Variants in WDR27 observed in about 807,000 individuals in gnomAD.
WDR27 encodes the protein WD repeat-containing protein 27.
A neutral mutation model predicts 114.4 loss-of-function variants in WDR27; 100 were observed. That is an observed-to-expected ratio of 0.87 (90% CI 0.74 to 1.03). The LOEUF is 1.03. Ranked by LOEUF, WDR27 falls within the 50% of genes least tolerant of loss-of-function variation. The probability of loss-of-function intolerance (pLI) is 0.00; values close to 1 mark genes in which losing one functional copy is unlikely to be tolerated. For synonymous variants in WDR27, 449 were observed against 423.1 expected, an observed-to-expected ratio of 1.06 and a Z score of -0.75; for missense variants, 1,129 against 1,092.9, an observed-to-expected ratio of 1.03 and a Z score of -0.47.
intron 21 of WDR27, among the ~76,000 whole-genome samples, chr6:169,626,532 G>A (rs1314256204): frequency 7.2e-5 from 11 of 152,136 alleles, no homozygotes; most frequent in Non-Finnish European, 2.9e-5. Flanking sequence ...CACCTCCTGG[G>A]GAACACCTTC....
chr6:169,664,297 AAAG>A lies in WDR27; in HGVS notation c.784-14_784-12del, dbSNP rs757040931. 65 of 1,613,810 alleles carry A rather than the reference AAAG, an allele frequency of 4.0e-5. No homozygotes were observed. Among genetic ancestry groups the A allele is most frequent in the Non-Finnish European group, 5.3e-5 (63 of 1,179,868 alleles). ...ACTGAAGATCCAAAGCTACAAAAGC[AAAG>A]AAGATGCAGACATGGCGCTGCAGCA... On this transcript the variant is annotated splice_polypyrimidine_tract_variant and intron_variant, in intron 7 of 25. Transcript: ENST00000448612.
intron 25 of WDR27, among the ~76,000 whole-genome samples, chr6:169,494,090 G>A (rs565385126): frequency 6.6e-6 from 1 of 152,274 alleles, no homozygotes; most frequent in South Asian, 2.1e-4. Flanking sequence ...GCATTATAAT[G>A]GTTAATATTC....
In WDR27 at chr6:169,457,670, C is replaced by A. The variant is rs778060400; in HGVS notation, c.2646-36G>T. 2.7e-6 allele frequency: 4 copies of A among 1,503,278 alleles called. No individual in the cohort carries two copies. In the East Asian group the frequency reaches 7.4e-5, roughly 28 times the overall value. 93.1% of individuals were successfully genotyped at this position (1,503,278 alleles called of 1,614,324 possible). ...AAATAAAATACCATGTAATTCCAATCGCCTTTTATTAATTGATAACTCTAT... is the reference window on the plus strand; with the variant it reads ...AAATAAAATACCATGTAATTCCAATAGCCTTTTATTAATTGATAACTCTAT... On this transcript the variant is annotated intron_variant, in intron 25 of 25. Transcript: ENST00000448612.
intron 18 of WDR27, among the ~76,000 whole-genome samples, chr6:169,637,685 G>A (rs1304910731): frequency 7.1e-6 from 1 of 141,268 alleles, no homozygotes; most frequent in African/African-American, 3.2e-5. Context: ...GTATGTAAGT[G>A]TGTGTATGCG....
At chr6:169,638,286 G>A (rs1309437286) in intron 18 of WDR27, among the ~76,000 whole-genome samples, 1 of 62,450 alleles carries the variant, frequency 1.6e-5, no homozygotes, top group Non-Finnish European at 2.6e-5. Flanking sequence ...ACTGCAGTCC[G>A]CAGTCCGACC....
chr6:169,499,289 G>C (rs117577063), intron 25 of WDR27, among the ~76,000 whole-genome samples: 1,785 of 152,338 alleles, frequency 0.012, 22 homozygotes, highest in Non-Finnish European at 0.019. Context: ...ACGCGGAGCT[G>C]CGCTGTTCCC....
At position 169,572,543 on chromosome 6, in the gene WDR27, C is replaced by CAAAAAAAAAA. The variant is rs376783967; in HGVS notation, c.2524-13_2524-4dup. ...TGGGCGACAGAGCGAGACTCCATCT[C>CAAAAAAAAAA]AAAAAAAAAAAAAAAAAAAAAAAAA... On this transcript the variant is annotated splice_polypyrimidine_tract_variant and splice_region_variant and intron_variant, in intron 24 of 25. Coordinates refer to ENST00000448612, the MANE Select transcript of WDR27 (RefSeq NM_182552.5). The CAAAAAAAAAA allele has an allele frequency of 4.4e-4, 41 of 92,416 alleles. 1 individual carries two copies. Among genetic ancestry groups the CAAAAAAAAAA allele is most frequent in the African/African-American group, 2.3e-3 (39 of 17,306 alleles). 5.7% of individuals were successfully genotyped at this position (92,416 alleles called of 1,614,324 possible). A position where few individuals can be genotyped will look rare whatever the true frequency, so the allele number is the denominator to read the frequency against.
At chr6:169,676,099 G>C (rs1780010053) in intron 2 of WDR27, among the ~76,000 whole-genome samples, 2 of 152,182 alleles carry the variant, frequency 1.3e-5, no homozygotes, top group Non-Finnish European at 2.9e-5. Flanking sequence ...TGTAGGGCAT[G>C]ACTCCCTAGG....
chr6:169,651,618 G>A (rs573330600), intron 14 of WDR27, among the ~76,000 whole-genome samples: 61 of 152,176 alleles, frequency 4.0e-4, no homozygotes, highest in Admixed American at 3.9e-4. Flanking sequence ...TTACAGCATC[G>A]TCATGCTCTC....
chr6:169,548,811 T>A (rs1229047019), intron 25 of WDR27, among the ~76,000 whole-genome samples: 1 of 152,178 alleles, frequency 6.6e-6, no homozygotes, highest in Admixed American at 6.5e-5. Flanking sequence ...AAATAGTCTT[T>A]AACAAATGGT....
intron 25 of WDR27, among the ~76,000 whole-genome samples, chr6:169,570,657 C>T (rs892711907): frequency 1.4e-4 from 21 of 152,108 alleles, no homozygotes; most frequent in African/African-American, 4.8e-4. Flanking sequence ...AGTGAAACCT[C>T]GTCTCTACTA....
chr6:169,537,477 T>C (rs990927069), intron 25 of WDR27, among the ~76,000 whole-genome samples: 3 of 152,266 alleles, frequency 2.0e-5, no homozygotes, highest in Non-Finnish European at 2.9e-5. Flanking sequence ...TCAGGAAGAA[T>C]AGCACATGCC....
At position 169,636,232 on chromosome 6, in the gene WDR27, C is replaced by G. The variant is rs534183906; in HGVS notation, c.2003+139G>C. On this transcript the variant is annotated intron_variant, in intron 19 of 25. Coordinates refer to ENST00000448612, the MANE Select transcript of WDR27 (RefSeq NM_182552.5). The stretch of plus-strand genomic sequence containing the variant: ...AAAATGAGTAGGATCTGGATAATTC[C>G]CTCTCATCAAGAGTTTGGTGATATG... 3.1e-5 allele frequency: 31 copies of G among 1,006,882 alleles called. No homozygotes were observed. In the African/African-American group the frequency reaches 4.6e-4, roughly 15 times the overall value. The allele number at this position is 1,006,882 out of a possible 1,614,324, so 62.4% of individuals were successfully genotyped here.
intron 16 of WDR27, among the ~76,000 whole-genome samples, chr6:169,646,060 G>A (rs142433197): frequency 0.014 from 2,084 of 152,348 alleles, 18 homozygotes; most frequent in Middle Eastern, 0.024. Flanking sequence ...CTAGTTCACA[G>A]AAGTCACATT....
chr6:169,664,044 G>T, intron 8 of WDR27, 122 bp downstream of exon 8: 1 of 958,178 alleles, frequency 1.0e-6, no homozygotes. Context: ...TGAGGTTGCA[G>T]CCCTTGGCTT....
intron 16 of WDR27, among the ~76,000 whole-genome samples, chr6:169,645,361 C>T (rs9767791): frequency 0.096 from 14,521 of 151,466 alleles, 1,121 homozygotes; most frequent in African/African-American, 0.23. Flanking sequence ...ACACGAGTTA[C>T]GCTGTAGAAA....
intron 1 of WDR27, among the ~76,000 whole-genome samples, chr6:169,695,690 T>C (rs1330620187): frequency 6.6e-6 from 1 of 152,196 alleles, no homozygotes; most frequent in African/African-American, 2.4e-5. Flanking sequence ...CTAAGATGTC[T>C]GCATGCTAAT....
In WDR27 at chr6:169,567,876, G is replaced by A. The variant is rs73790020; in HGVS notation, c.2645+4543C>T. Among the ~76,000 whole-genome samples the A allele has an allele frequency of 6.3e-3, 954 of 152,268 alleles. 13 individuals are homozygous for A. The highest frequency in any genetic ancestry group is 0.022 in the African/African-American group (917 of 41,540). ...ATCCCACAGAAGAGGAGTGAGAGCG[G>A]CGGTCCACTGTGTTCCTAGAGAGGC... On this transcript the variant is annotated intron_variant, in intron 25 of 25. Coordinates refer to ENST00000448612, the MANE Select transcript of WDR27 (RefSeq NM_182552.5).
intron 21 of WDR27, among the ~76,000 whole-genome samples, chr6:169,624,825 T>C (rs574250690): frequency 2.1e-4 from 32 of 151,806 alleles, no homozygotes; most frequent in Non-Finnish European, 4.4e-4. Flanking sequence ...GGATGAAAAA[T>C]TCGAGATGTG....
Sources: allele counts gnomAD v4.1 joint callset (sites outside exome capture counted in the v4.1 genomes callset), GRCh38; gene constraint gnomAD v4.1.1; transcripts MANE v1.5; gene names NCBI Gene and HGNC (gene_info 2026-07-23, HGNC 2026-07-21).